RARB: variants seen among roughly 807,000 people sequenced by gnomAD.
RARB encodes retinoic acid receptor beta.
Under a neutral mutation model 51.9 loss-of-function variants are expected in RARB, and 17 were observed. That is an observed-to-expected ratio of 0.33 (90% confidence interval 0.22 to 0.49). The LOEUF is 0.49. RARB is among the 20% of genes least tolerant of loss of function. The probability of loss-of-function intolerance (pLI) is 0.99; values close to 1 mark genes in which losing one functional copy is unlikely to be tolerated. For synonymous variants in RARB, 215 were observed against 195.4 expected (o/e 1.10, Z -0.84); for missense variants, 369 against 550.8 (o/e 0.67, Z 3.30).
chr3:25,213,110 G>C (rs926471052), intron 5 of RARB, among the ~76,000 whole-genome samples: 1 of 151,954 alleles, frequency 6.6e-6, no homozygotes, highest in African/African-American at 2.4e-5. Context: ...ATCCATATAA[G>C]ATACTATATA....
At chr3:25,052,456 C>G (rs939236637) in intron 2 of RARB, among the ~76,000 whole-genome samples, 1 of 152,042 alleles carries the variant, frequency 6.6e-6, no homozygotes, top group Non-Finnish European at 1.5e-5. Context: ...AAATCCCATG[C>G]AATAATTGGG....
intron 3 of RARB, among the ~76,000 whole-genome samples, chr3:25,527,567 C>T (rs1698707220): frequency 6.6e-6 from 1 of 152,124 alleles, no homozygotes; most frequent in Admixed American, 6.6e-5. Context: ...GCTGAGCTGA[C>T]CTTGGTAGTG....
chr3:25,561,181 C>A (rs1190095924), intron 3 of RARB, among the ~76,000 whole-genome samples: 1 of 152,098 alleles, frequency 6.6e-6, no homozygotes, highest in Non-Finnish European at 1.5e-5. Context: ...TTATTTAAGA[C>A]CTATGGGGAA....
intron 5 of RARB, among the ~76,000 whole-genome samples, chr3:25,218,371 C>T (rs984290653): frequency 6.6e-6 from 1 of 152,046 alleles, no homozygotes. Context: ...CACCCCCCAA[C>T]AAGGCCCCTT....
intron 5 of RARB, among the ~76,000 whole-genome samples, chr3:25,281,564 A>G (rs1460695778): frequency 1.3e-5 from 2 of 152,218 alleles, no homozygotes; most frequent in Non-Finnish European, 2.9e-5. Context: ...GGAAGGGGCA[A>G]TAGGATCTGT....
At chr3:25,112,056 C>T (rs936095784) in intron 3 of RARB, among the ~76,000 whole-genome samples, 15 of 152,040 alleles carry the variant, frequency 9.9e-5, no homozygotes, top group African/African-American at 3.1e-4. Flanking sequence ...ACTTGCCACC[C>T]CACAGATAGT....
chr3:24,925,103 T>G (rs1468321172), intron 2 of RARB, among the ~76,000 whole-genome samples: 1 of 152,088 alleles, frequency 6.6e-6, no homozygotes, highest in East Asian at 1.9e-4. Flanking sequence ...CGCAGCCCTC[T>G]CATATGCATT....
chr3:25,390,974 T>G (rs183834778), intron 5 of RARB, among the ~76,000 whole-genome samples: 12 of 152,214 alleles, frequency 7.9e-5, no homozygotes, highest in African/African-American at 2.7e-4. Flanking sequence ...AGTGGTGATT[T>G]CCGAGATTTT....
At chr3:25,269,808 T>G (rs1703212699) in intron 5 of RARB, among the ~76,000 whole-genome samples, 1 of 152,200 alleles carries the variant, frequency 6.6e-6, no homozygotes, top group South Asian at 2.1e-4. Context: ...TTGTATATAC[T>G]CATTTTATGC....
chr3:24,846,821 T>C (rs1003460436), intron 1 of RARB, among the ~76,000 whole-genome samples: 4 of 151,392 alleles, frequency 2.6e-5, no homozygotes, highest in African/African-American at 9.7e-5. Flanking sequence ...ACAATTAATC[T>C]GTGTACCTGT....
At chr3:25,400,712 A>T (rs956864099) in intron 5 of RARB, among the ~76,000 whole-genome samples, 2 of 152,156 alleles carry the variant, frequency 1.3e-5, no homozygotes, top group Non-Finnish European at 2.9e-5. Flanking sequence ...CATATAGAAT[A>T]AAGTTTCCTA....
chr3:24,950,909 A>G lies in RARB; in HGVS notation c.-380+92157A>G, dbSNP rs533207488. Among the ~76,000 whole-genome samples the G allele has an allele frequency of 7.9e-5, 12 of 152,274 alleles. No individual in the cohort carries two copies. The South Asian group carries it at 8.3e-4, about 11-fold the overall frequency. ...TACCTCCACCCTGCTGAATCAAACA[A>G]TGGTGGTGGGACACCCTGGAATCTG... On this transcript the variant is annotated intron_variant, in intron 2 of 11. Coordinates refer to the RARB transcript ENST00000383772.
intron 5 of RARB, among the ~76,000 whole-genome samples, chr3:25,333,987 C>G (rs1456972231): frequency 6.6e-6 from 1 of 152,170 alleles, no homozygotes; most frequent in Non-Finnish European, 1.5e-5. Context: ...GATACCATCT[C>G]ACACCAGTTA....
intron 3 of RARB, among the ~76,000 whole-genome samples, chr3:25,128,324 T>C (rs1211869998): frequency 1.3e-5 from 2 of 151,830 alleles, no homozygotes; most frequent in African/African-American, 4.8e-5. Context: ...AAAATAAGAA[T>C]CTTTGTAAGG....
intron 3 of RARB, among the ~76,000 whole-genome samples, chr3:25,090,747 T>C (rs1226975900): frequency 6.6e-6 from 1 of 152,110 alleles, no homozygotes; most frequent in African/African-American, 2.4e-5. Context: ...AAGTCTAACT[T>C]TTAAACCATA....
intron 3 of RARB, among the ~76,000 whole-genome samples, chr3:25,114,473 T>C (rs1699653782): frequency 1.3e-5 from 2 of 152,316 alleles, no homozygotes; most frequent in African/African-American, 4.8e-5. Context: ...TCCCATCTTG[T>C]AGGGATTTTA....
At chr3:25,091,614 T>C (rs1699201216) in intron 3 of RARB, among the ~76,000 whole-genome samples, 1 of 152,202 alleles carries the variant, frequency 6.6e-6, no homozygotes, top group African/African-American at 2.4e-5. Flanking sequence ...CAAGTGCTCA[T>C]ATACATAAAT....
intron 2 of RARB, among the ~76,000 whole-genome samples, chr3:24,892,560 C>T (rs563503162): frequency 1.8e-4 from 27 of 152,268 alleles, no homozygotes; most frequent in African/African-American, 6.3e-4. Flanking sequence ...TGTCTGTGAG[C>T]ATTTTATAAA....
intron 5 of RARB, among the ~76,000 whole-genome samples, chr3:25,333,716 A>G (rs1387336992): frequency 1.3e-5 from 2 of 152,230 alleles, no homozygotes; most frequent in African/African-American, 4.8e-5. Flanking sequence ...ACAGCAAAAG[A>G]AACTACCATC....
Sources: allele counts gnomAD v4.1 joint callset (sites outside exome capture counted in the v4.1 genomes callset), GRCh38; gene constraint gnomAD v4.1.1; transcripts MANE v1.5; gene names NCBI Gene and HGNC (gene_info 2026-07-23, HGNC 2026-07-21).